The following ANKRD44 variants were observed in gnomAD, a reference collection of about 807,000 sequenced individuals.
ANKRD44 encodes ankyrin repeat domain 44, also known as serine/threonine-protein phosphatase 6 regulatory ankyrin repeat subunit B.
ANKRD44 carries 35 observed loss-of-function variants against 116.0 expected under a neutral mutation model. The observed-to-expected ratio is 0.30, with a 90% CI of 0.23 to 0.40. The LOEUF (loss-of-function observed/expected upper bound fraction) is 0.40, where lower values mean the gene tolerates loss of function less well. Ranked by LOEUF, ANKRD44 falls within the 10% of genes least tolerant of loss-of-function variation. ANKRD44 has a pLI of 1.00. For missense variants in ANKRD44, 1,014 were observed against 1,242.6 expected (o/e 0.82, Z 2.77); for synonymous variants, 435 against 461.8 (o/e 0.94, Z 0.74).
intron 2 of ANKRD44, among the ~76,000 whole-genome samples, chr2:197,160,129 G>T (rs1009132571): frequency 3.3e-5 from 5 of 152,072 alleles, no homozygotes; most frequent in Admixed American, 2.0e-4. Context: ...GAGTCAGAAT[G>T]ACCCAACTTT....
chr2:197,161,361 G>C (rs575247839), intron 2 of ANKRD44, among the ~76,000 whole-genome samples: 4 of 152,192 alleles, frequency 2.6e-5, no homozygotes, highest in African/African-American at 9.6e-5. Flanking sequence ...TGGGCTGTAG[G>C]GGGTGTTTTT....
chr2:197,149,249 T>C (rs562088903), intron 2 of ANKRD44, among the ~76,000 whole-genome samples: 1 of 152,336 alleles, frequency 6.6e-6, no homozygotes, highest in African/African-American at 2.4e-5. Context: ...ACCCAAATTA[T>C]GACTTCATTT....
chr2:197,084,719 T>C (rs898110385), intron 13 of ANKRD44, among the ~76,000 whole-genome samples: 8 of 152,152 alleles, frequency 5.3e-5, no homozygotes, highest in Non-Finnish European at 1.0e-4. Context: ...ATCATTTAGT[T>C]TCTCTCTCAT....
rs2075873212 is a variant in ANKRD44 at position 196,989,036 on chromosome 2, C to T, written c.*555G>A. The T allele has an allele frequency of 8.1e-6, 8 of 985,260 alleles. No homozygotes were observed. In the South Asian group the frequency reaches 1.4e-4, roughly 17 times the overall value. 61.0% of individuals were successfully genotyped at this position (985,260 alleles called of 1,614,324 possible). ...AAGATGCGTAGCCCTCTCTAACCAA[C>T]GCGGAAGAACCTGAGGGTCATCTGG... On this transcript the variant is annotated 3_prime_UTR_variant, in exon 28 of 28. Transcript: ENST00000282272.
rs2075845978 is a variant in ANKRD44, at chr2:196,987,057, C to A, written c.*2534G>T. 4.1e-6 allele frequency: 4 copies of A among 984,802 alleles called. No individual in the cohort carries two copies. Among genetic ancestry groups the A allele is most frequent in the African/African-American group, 1.7e-5 (1 of 57,300 alleles). 61.0% of individuals were successfully genotyped at this position (984,802 alleles called of 1,614,324 possible). A position where few individuals can be genotyped will look rare whatever the true frequency, so the allele number is the denominator to read the frequency against. On this transcript the variant is annotated 3_prime_UTR_variant, in exon 28 of 28. Coordinates refer to ENST00000282272, the MANE Select transcript of ANKRD44 (RefSeq NM_001195144.2). Reference sequence around the variant, plus strand: ...AGCATAAAATATGTAGACAAAACTACCAAATAAAAGATATTTGCATTGAAT... The same window carrying A: ...AGCATAAAATATGTAGACAAAACTAACAAATAAAAGATATTTGCATTGAAT...
chr2:197,050,215 G>A (rs2077080435), intron 16 of ANKRD44, among the ~76,000 whole-genome samples: 1 of 152,026 alleles, frequency 6.6e-6, no homozygotes, highest in Non-Finnish European at 1.5e-5. Flanking sequence ...CTATCACAAT[G>A]ACAACACCAA....
chr2:197,007,308 T>C (rs961566427), intron 20 of ANKRD44, among the ~76,000 whole-genome samples: 2 of 152,178 alleles, frequency 1.3e-5, no homozygotes, highest in Non-Finnish European at 2.9e-5. Flanking sequence ...ATCCTTGATA[T>C]ACTAAGAGAA....
chr2:197,055,738 A>C (rs6717819), intron 16 of ANKRD44, among the ~76,000 whole-genome samples: 6,816 of 152,196 alleles, frequency 0.045, 499 homozygotes, highest in African/African-American at 0.15. Context: ...AGGATACCAC[A>C]TATGTGTGGA....
chr2:197,310,440 C>G (rs1574493474), intron 1 of ANKRD44, 138 bp downstream of exon 1: 1 of 502,576 alleles, frequency 2.0e-6, no homozygotes, highest in African/African-American at 2.1e-5. Flanking sequence ...TCGGAGGCAC[C>G]GGCGGCCGCA....
chr2:197,230,394 C>G (rs1175163574), intron 1 of ANKRD44, among the ~76,000 whole-genome samples: 1 of 151,844 alleles, frequency 6.6e-6, no homozygotes, highest in Non-Finnish European at 1.5e-5. Context: ...CCTACTAGTC[C>G]CAAAGGGCCA....
intron 16 of ANKRD44, among the ~76,000 whole-genome samples, chr2:197,056,515 A>G (rs2077206807): frequency 6.6e-6 from 1 of 152,090 alleles, no homozygotes; most frequent in South Asian, 2.1e-4. Context: ...TTCATTTTCT[A>G]TTTGATGTTG....
chr2:197,153,489 T>A lies in ANKRD44; in HGVS notation c.112-6384A>T, dbSNP rs1390065651. 3.3e-5 allele frequency among the ~76,000 whole-genome samples: 5 copies of A among 151,986 alleles called. No homozygotes were observed. In the South Asian group the frequency reaches 6.2e-4, roughly 19 times the overall value. ...TACCTCGGAAGTATTTCAAATTACA[T>A]GAGGACAGGAGCCAAACGACACAAA... On this transcript the variant is annotated intron_variant, in intron 2 of 27. Transcript: ENST00000282272.
intron 1 of ANKRD44, among the ~76,000 whole-genome samples, chr2:197,248,602 A>C (rs556121615): frequency 6.7e-6 from 1 of 150,136 alleles, no homozygotes; most frequent in African/African-American, 2.5e-5. Flanking sequence ...AAAGAGAGAG[A>C]TTGAGAGAGA....
At chr2:197,149,101 A>G (rs1428269784) in intron 2 of ANKRD44, among the ~76,000 whole-genome samples, 3 of 152,166 alleles carry the variant, frequency 2.0e-5, no homozygotes, top group African/African-American at 7.2e-5. Flanking sequence ...AATCCTCGCT[A>G]TATCTACTTA....
intron 16 of ANKRD44, among the ~76,000 whole-genome samples, chr2:197,060,999 A>C (rs1378764137): frequency 6.6e-6 from 1 of 152,316 alleles, no homozygotes; most frequent in South Asian, 2.1e-4. Context: ...GAGAGTGTAG[A>C]TACGTCTTTG....
chr2:197,291,537 G>C (rs1181599162), intron 1 of ANKRD44, among the ~76,000 whole-genome samples: 2 of 152,086 alleles, frequency 1.3e-5, no homozygotes, highest in South Asian at 4.2e-4. Flanking sequence ...ATAATATTTG[G>C]ATAAAAGTGC....
chr2:196,968,262 T>C (rs1488226896), intron 21 of ANKRD44, among the ~76,000 whole-genome samples: 4 of 152,066 alleles, frequency 2.6e-5, no homozygotes. Flanking sequence ...TGACGGAAAA[T>C]ATTAGATTTC....
intron 9 of ANKRD44, among the ~76,000 whole-genome samples, chr2:197,106,695 CAGG>C (rs1309806975): frequency 6.6e-6 from 1 of 151,376 alleles, no homozygotes; most frequent in Non-Finnish European, 1.5e-5. Flanking sequence ...GAGGCTGAGG[CAGG>C]AGAATGGAGT....
In ANKRD44 at chr2:197,110,846, T is replaced by TA. The variant is rs777998740; in HGVS notation, c.907-3dup. 2.5e-5 allele frequency: 41 copies of TA among 1,610,546 alleles called. No individual in the cohort carries two copies. The highest frequency in any genetic ancestry group is 1.8e-4 in the East Asian group (8 of 44,808). ...CAGTGGACTTTTGCCATCTTTACTC[T>TA]AAAAAAAAGAGAGGGAGAGAAAAAC... On this transcript the variant is annotated splice_polypyrimidine_tract_variant and splice_region_variant and intron_variant, in intron 8 of 27. Coordinates refer to ENST00000282272, the MANE Select transcript of ANKRD44 (RefSeq NM_001195144.2).
Sources: gnomAD v4.1 joint callset for allele counts (sites outside exome capture counted in the v4.1 genomes callset) on GRCh38, gnomAD v4.1.1 for gene constraint, MANE v1.5 for transcripts, NCBI Gene and HGNC (gene_info 2026-07-23, HGNC 2026-07-21) for gene names.